Variants in MNAT1 observed in about 807,000 individuals in gnomAD.
MNAT1 encodes CDK-activating kinase assembly factor MAT1.
A neutral mutation model predicts 42.0 loss-of-function variants in MNAT1; 43 were observed. That is an observed-to-expected ratio of 1.02 (90% CI 0.80 to 1.32). The LOEUF (loss-of-function observed/expected upper bound fraction) is 1.32, where lower values mean the gene tolerates loss of function less well. Among genes scored for constraint, MNAT1 ranks in the 40% most tolerant of loss-of-function variants. MNAT1 has a pLI of 0.00. For missense variants in MNAT1, 306 were observed against 350.4 expected (o/e 0.87, Z 1.01); for synonymous variants, 118 against 120.0 (o/e 0.98, Z 0.11).
intron 6 of MNAT1, among the ~76,000 whole-genome samples, chr14:60,865,688 G>GA (rs1422436202): frequency 6.6e-6 from 1 of 151,838 alleles, no homozygotes; most frequent in East Asian, 1.9e-4. Flanking sequence ...AGTGCCCAAG[G>GA]AAAAAATAAA....
chr14:60,765,091 A>C (rs762823284), intron 1 of MNAT1, among the ~76,000 whole-genome samples: 2 of 152,210 alleles, frequency 1.3e-5, no homozygotes, highest in Non-Finnish European at 2.9e-5. Flanking sequence ...GTTTCTACTA[A>C]AAATACAAAA....
chr14:60,910,028 G>A (rs1432893143), intron 7 of MNAT1, among the ~76,000 whole-genome samples: 1 of 152,164 alleles, frequency 6.6e-6, no homozygotes, highest in South Asian at 2.1e-4. Flanking sequence ...TCTCCTTGAA[G>A]AAGTCCTTCA....
intron 6 of MNAT1, among the ~76,000 whole-genome samples, chr14:60,828,049 A>G (rs1422150382): frequency 6.6e-6 from 1 of 152,168 alleles, no homozygotes; most frequent in Non-Finnish European, 1.5e-5. Context: ...TTTTTATGAA[A>G]TGAATAGCTT....
chr14:60,901,159 G>A (rs1278450034), intron 7 of MNAT1, among the ~76,000 whole-genome samples: 1 of 151,794 alleles, frequency 6.6e-6, no homozygotes, highest in African/African-American at 2.4e-5. Flanking sequence ...AAATTGTAGG[G>A]CCCCTAAAAA....
chr14:60,790,381 T>C (rs1176318222), intron 1 of MNAT1, among the ~76,000 whole-genome samples: 3 of 152,124 alleles, frequency 2.0e-5, no homozygotes, highest in Non-Finnish European at 4.4e-5. Context: ...CTCTGCCCTA[T>C]TGTTTATGTA....
At chr14:60,893,047 G>T (rs905881046) in intron 7 of MNAT1, among the ~76,000 whole-genome samples, 2 of 151,934 alleles carry the variant, frequency 1.3e-5, no homozygotes, top group Non-Finnish European at 2.9e-5. Flanking sequence ...TTTTAAAAAA[G>T]ATATTAGTCT....
intron 1 of MNAT1, among the ~76,000 whole-genome samples, chr14:60,787,485 T>C (rs922076966): frequency 1.3e-5 from 2 of 152,154 alleles, no homozygotes; most frequent in Non-Finnish European, 2.9e-5. Flanking sequence ...TTGCTGAAGG[T>C]TGGGGTGGCC....
At chr14:60,779,353 A>G (rs1463711307) in intron 1 of MNAT1, among the ~76,000 whole-genome samples, 3 of 152,222 alleles carry the variant, frequency 2.0e-5, no homozygotes, top group Non-Finnish European at 2.9e-5. Context: ...TTACACCAGC[A>G]TAAGTGCTAG....
intron 3 of MNAT1, among the ~76,000 whole-genome samples, chr14:60,798,613 G>T (rs1233146865): frequency 6.6e-6 from 1 of 152,122 alleles, no homozygotes; most frequent in Non-Finnish European, 1.5e-5. Flanking sequence ...CTGTTGAAGT[G>T]GCATTCTATT....
In MNAT1 at chr14:60,758,187, C is replaced by T. The variant is rs947289365; in HGVS notation, c.89+23236C>T. The stretch of plus-strand genomic sequence containing the variant: ...CTATTCCCCTTGTAGTCTATGTCTT[C>T]CTTATCTCTACTTGGACTTTTTTTT... On this transcript the variant is annotated intron_variant, in intron 1 of 7. Coordinates refer to ENST00000261245, the MANE Select transcript of MNAT1 (RefSeq NM_002431.4). Among the ~76,000 whole-genome samples, 6 of 151,960 alleles carry T rather than the reference C, an allele frequency of 3.9e-5. No individual in the cohort carries two copies. The East Asian group carries it at 1.2e-3, about 29-fold the overall frequency.
intron 6 of MNAT1, among the ~76,000 whole-genome samples, chr14:60,854,002 T>G (rs1462532233): frequency 1.3e-5 from 2 of 152,194 alleles, no homozygotes; most frequent in Non-Finnish European, 2.9e-5. Context: ...TTGTTTCTTT[T>G]CATTCTTTTT....
rs947519117 is a variant in MNAT1 at position 60,789,348 on chromosome 14, A to G, written c.90-6869A>G. On this transcript the variant is annotated intron_variant, in intron 1 of 7. Transcript: ENST00000261245. ...ATCACTGATCACATAACACCATGTCAGATATAACGATAATGAAAATGTTTG... is the reference window on the plus strand; with the variant it reads ...ATCACTGATCACATAACACCATGTCGGATATAACGATAATGAAAATGTTTG... Among the ~76,000 whole-genome samples the G allele has an allele frequency of 5.3e-5, 8 of 152,290 alleles. No individual in the cohort carries two copies. In the South Asian group the frequency reaches 1.0e-3, roughly 20 times the overall value.
In MNAT1 at chr14:60,968,240, A is replaced by T. The variant is rs1353498583; in HGVS notation, c.821A>T (p.His274Leu). The T allele has an allele frequency of 6.2e-7, 1 of 1,611,898 alleles. No homozygotes were observed. Among genetic ancestry groups the T allele is most frequent in the South Asian group, 1.1e-5 (1 of 90,752 alleles). The change falls in exon 8 of 8, where the codon CAT becomes CTT. Residue 274 changes from histidine to leucine, a missense_variant. By Grantham distance (99) the His-to-Leu change is moderately conservative. This residue lies in a region of MNAT1 where 116 missense variants were observed against 139.6 expected (regional missense o/e 0.83). Coordinates refer to ENST00000261245, the MANE Select transcript of MNAT1 (RefSeq NM_002431.4). The part of the protein sequence containing the change: ...EMLGRLGYLN[H>L]VRAASPQDLA... ...TTGTTTTGTTTTAGGTATTTAAACC[A>T]TGTCAGAGCTGCCTCACCACAGGAC...
At chr14:60,932,935 A>G (rs1382355156) in intron 7 of MNAT1, among the ~76,000 whole-genome samples, 1 of 152,118 alleles carries the variant, frequency 6.6e-6, no homozygotes, top group Non-Finnish European at 1.5e-5. Flanking sequence ...GTAAATAATA[A>G]TAATATGCAG....
chr14:60,893,502 A>G (rs1411562763), intron 7 of MNAT1, among the ~76,000 whole-genome samples: 1 of 152,176 alleles, frequency 6.6e-6, no homozygotes, highest in African/African-American at 2.4e-5. Context: ...TCTGTATGAC[A>G]GAATAGTAGA....
chr14:60,800,601 G>A (rs1049911522), intron 3 of MNAT1, among the ~76,000 whole-genome samples: 3 of 152,096 alleles, frequency 2.0e-5, no homozygotes, highest in Admixed American at 6.6e-5. Context: ...GCCTATATAA[G>A]GAAGAAGCAA....
chr14:60,854,260 A>G (rs1012579483), intron 6 of MNAT1, among the ~76,000 whole-genome samples: 2 of 152,160 alleles, frequency 1.3e-5, no homozygotes, highest in Admixed American at 6.5e-5. Flanking sequence ...CCTTTAGCTC[A>G]GAGGAGTTTG....
chr14:60,840,283 TAGGAGA>T (rs2033510293), intron 6 of MNAT1, among the ~76,000 whole-genome samples: 1 of 152,182 alleles, frequency 6.6e-6, no homozygotes, highest in African/African-American at 2.4e-5. Context: ...AAGGGAGCTG[TAGGAGA>T]CTAAGAGAGT....
intron 5 of MNAT1, among the ~76,000 whole-genome samples, chr14:60,817,114 T>C (rs1360765127): frequency 1.3e-5 from 2 of 151,980 alleles, no homozygotes; most frequent in African/African-American, 2.4e-5. Context: ...TACTTTTAAC[T>C]TTTTAGCTAA....
Sources: allele counts gnomAD v4.1 joint callset (sites outside exome capture counted in the v4.1 genomes callset), GRCh38; gene constraint gnomAD v4.1.1; regional missense constraint gnomAD v4.1.1; transcripts MANE v1.5; gene names NCBI Gene and HGNC (gene_info 2026-07-23, HGNC 2026-07-21).